Variants in GCNT1 observed in about 807,000 individuals in gnomAD.
GCNT1 encodes glucosaminyl (N-acetyl) transferase 1.
A neutral mutation model predicts 26.2 loss-of-function variants in GCNT1; 16 were observed. That is an observed-to-expected ratio of 0.61 (90% confidence interval 0.41 to 0.93). The LOEUF (loss-of-function observed/expected upper bound fraction) is 0.93. Among genes scored for constraint, GCNT1 ranks in the 40% least tolerant of loss-of-function variants. The pLI is 0.00. For missense variants in GCNT1, 477 were observed against 526.7 expected, an observed-to-expected ratio of 0.91 and a Z score of 0.92; for synonymous variants, 183 against 190.8, an observed-to-expected ratio of 0.96 and a Z score of 0.34.
chr9:76,485,288 T>G (rs1209675307), intron 2 of GCNT1, among the ~76,000 whole-genome samples: 1 of 152,126 alleles, frequency 6.6e-6, no homozygotes, highest in Non-Finnish European at 1.5e-5. Context: ...TTATCCTGCC[T>G]TAGCCTCCCA....
At position 76,505,995 on chromosome 9, in the gene GCNT1, C is replaced by T. The variant is rs976877298; in HGVS notation, c.*2327C>T. On this transcript the variant is annotated 3_prime_UTR_variant, in exon 4 of 4. Transcript: ENST00000376730. ...GTTCAAACACTATCCCTAATGCCTG[C>T]GGCAGAATTTATATACGATCCATTC... 7 of 166,876 alleles carry T rather than the reference C, an allele frequency of 4.2e-5. No homozygotes were observed. The highest frequency in any genetic ancestry group is 7.2e-5 in the African/African-American group (3 of 41,406). 10.3% of individuals were successfully genotyped at this position (166,876 alleles called of 1,614,324 possible).
chr9:76,422,028 A>G (rs1007138981), intron 1 of GCNT1, among the ~76,000 whole-genome samples: 1 of 152,102 alleles, frequency 6.6e-6, no homozygotes, highest in Non-Finnish European at 1.5e-5. Flanking sequence ...ATGGTGGATG[A>G]CACCTCTTCA....
At chr9:76,469,944 C>G (rs773322403) in intron 2 of GCNT1, among the ~76,000 whole-genome samples, 1 of 152,118 alleles carries the variant, frequency 6.6e-6, no homozygotes, top group African/African-American at 2.4e-5. Flanking sequence ...TTGGAAGTGG[C>G]CTGCCACCAT....
the GCNT1 span, among the ~76,000 whole-genome samples, chr9:76,411,310 T>G: frequency 9.9e-5 from 15 of 152,136 alleles, no homozygotes; most frequent in African/African-American, 3.1e-4. Context: ...TGGGGGTTTT[T>G]TTTGTTTGTT....
chr9:76,430,670 G>A (rs1823326951), intron 1 of GCNT1, among the ~76,000 whole-genome samples: 1 of 151,966 alleles, frequency 6.6e-6, no homozygotes, highest in Non-Finnish European at 1.5e-5. Flanking sequence ...ACAAGAATGA[G>A]CCACTGCACC....
chr9:76,432,605 G>C (rs1823351705), intron 1 of GCNT1, among the ~76,000 whole-genome samples: 2 of 152,132 alleles, frequency 1.3e-5, no homozygotes, highest in African/African-American at 4.8e-5. Context: ...CTCCCAAAGT[G>C]CTGGGATTAC....
At chr9:76,468,936 T>C (rs1824067594) in intron 2 of GCNT1, among the ~76,000 whole-genome samples, 1 of 152,068 alleles carries the variant, frequency 6.6e-6, no homozygotes, top group Non-Finnish European at 1.5e-5. Context: ...GGAAAAAAAA[T>C]TAAAAACTGG....
At chr9:76,472,749 C>CTTTTTT (rs869071794) in intron 2 of GCNT1, among the ~76,000 whole-genome samples, 4 of 31,392 alleles carry the variant, frequency 1.3e-4, no homozygotes, top group East Asian at 5.2e-4. Context: ...CTTTTCTTTT[C>CTTTTTT]TTTTTTTTTT....
At chr9:76,493,800 G>A (rs769834553) in intron 2 of GCNT1, among the ~76,000 whole-genome samples, 1 of 152,092 alleles carries the variant, frequency 6.6e-6, no homozygotes, top group Admixed American at 6.6e-5. Context: ...TGGACATAAG[G>A]TATTTCACTC....
the GCNT1 span, among the ~76,000 whole-genome samples, chr9:76,404,744 C>T: frequency 6.6e-6 from 1 of 152,032 alleles, no homozygotes; most frequent in East Asian, 1.9e-4. Flanking sequence ...CTCAAATGAG[C>T]TCCTGGAAGG....
chr9:76,503,257 T>C lies in GCNT1; in HGVS notation c.876T>C (p.Ser292=). Reference sequence around the variant, plus strand: ...CTGGCAGTGCCTACTTCGTGGTCAGTAGGGAGTATGTGGGGTATGTACTAC... The same window carrying C: ...CTGGCAGTGCCTACTTCGTGGTCAGCAGGGAGTATGTGGGGTATGTACTAC... ...LFSGSAYFVV[S]REYVGYVLQN... Residue 292 remains serine (S), a synonymous_variant, in exon 4 of 4, where the codon AGT becomes AGC. Transcript: ENST00000376730. The C allele has an allele frequency of 6.2e-7, 1 of 1,614,124 alleles. No individual in the cohort carries two copies. Among genetic ancestry groups the C allele is most frequent in the Non-Finnish European group, 8.5e-7 (1 of 1,180,020 alleles).
At chr9:76,490,977 G>A (rs1824718241) in intron 2 of GCNT1, among the ~76,000 whole-genome samples, 1 of 152,264 alleles carries the variant, frequency 6.6e-6, no homozygotes, top group Non-Finnish European at 1.5e-5. Context: ...CTGACAACAA[G>A]GTGGTACTGG....
chr9:76,483,495 GC>G (rs1824479784), intron 2 of GCNT1, among the ~76,000 whole-genome samples: 1 of 151,978 alleles, frequency 6.6e-6, no homozygotes, highest in South Asian at 2.1e-4. Context: ...GCTCACCGCA[GC>G]CTCGAACTCC....
At chr9:76,444,316 A>C (rs1172700445) in intron 1 of GCNT1, among the ~76,000 whole-genome samples, 1 of 152,164 alleles carries the variant, frequency 6.6e-6, no homozygotes, top group Non-Finnish European at 1.5e-5. Flanking sequence ...GATGTACTTA[A>C]CAGCATGAGG....
chr9:76,444,381 G>A (rs994791924), intron 1 of GCNT1, among the ~76,000 whole-genome samples: 6 of 152,158 alleles, frequency 3.9e-5, no homozygotes, highest in Non-Finnish European at 8.8e-5. Flanking sequence ...TCTGAGGCCT[G>A]AGTCGTGAAG....
the GCNT1 span, chr9:76,394,171 T>C: frequency 1.2e-6 from 2 of 1,602,024 alleles, no homozygotes; most frequent in Non-Finnish European, 8.5e-7. Flanking sequence ...AGGTGCCTCA[T>C]AATGCAGTCC....
rs536466494 is a variant in GCNT1, at chr9:76,431,875, G to A, written n.38+11988G>A. Among the ~76,000 whole-genome samples the A allele has an allele frequency of 7.2e-5, 11 of 152,224 alleles. No homozygotes were observed. In the South Asian group the frequency reaches 2.1e-3, roughly 29 times the overall value. On this transcript the variant is annotated intron_variant and non_coding_transcript_variant, in intron 1 of 3. Coordinates refer to the GCNT1 transcript ENST00000488136. ...CTGTAATTCCTGCACTTTGCGAGGC[G>A]AGGTGGATGGATCAATTGAGGTCAG... is the stretch of plus-strand genomic sequence containing the variant.
At chr9:76,406,446 A>G in the GCNT1 span, among the ~76,000 whole-genome samples, 1 of 151,124 alleles carries the variant, frequency 6.6e-6, no homozygotes, top group Non-Finnish European at 1.5e-5. Context: ...ACAGTGAGCC[A>G]TGATTGTGCC....
intron 2 of GCNT1, among the ~76,000 whole-genome samples, chr9:76,467,411 G>A (rs1293267301): frequency 6.6e-6 from 1 of 151,780 alleles, no homozygotes; most frequent in Non-Finnish European, 1.5e-5. Context: ...ACCTTTTCAA[G>A]CCCCTTCCAC....
Sources: allele counts gnomAD v4.1 joint callset (sites outside exome capture counted in the v4.1 genomes callset), GRCh38; gene constraint gnomAD v4.1.1; transcripts MANE v1.5; gene names NCBI Gene and HGNC (gene_info 2026-07-23, HGNC 2026-07-21).